The following DYNC1H1 variants were observed in gnomAD, a reference collection of about 807,000 sequenced individuals.
The protein encoded by DYNC1H1 is cytoplasmic dynein 1 heavy chain 1.
Under a neutral mutation model 527.1 loss-of-function variants are expected in DYNC1H1, and 51 were observed. That is an observed-to-expected ratio of 0.10 (90% CI 0.08 to 0.12). DYNC1H1 has a LOEUF of 0.12. DYNC1H1 is among the 10% of genes least tolerant of loss of function. The pLI is 1.00. For missense variants in DYNC1H1, 2,771 were observed against 5,971.8 expected (o/e 0.46, Z 17.66); for synonymous variants, 2,189 against 2,278.8 (o/e 0.96, Z 1.12).
chr14:102,018,098 T>TC lies in DYNC1H1; in HGVS notation c.8178-351dup. 1 of 259,374 alleles carries TC rather than the reference T, an allele frequency of 3.9e-6. No homozygotes were observed. Among genetic ancestry groups the TC allele is most frequent in the Non-Finnish European group, 7.6e-6 (1 of 131,744 alleles). 16.1% of individuals were successfully genotyped at this position (259,374 alleles called of 1,614,324 possible). A position where few individuals can be genotyped will look rare whatever the true frequency, so the allele number is the denominator to read the frequency against. Reference sequence around the variant, plus strand: ...TCCAGCCTGGGCAACAGAGCAAGACTCCATCTCAAAATAAATAAATAAATA... The same window carrying TC: ...TCCAGCCTGGGCAACAGAGCAAGACTCCCATCTCAAAATAAATAAATAAATA... On this transcript the variant is annotated intron_variant, in intron 40 of 77. Coordinates refer to ENST00000360184, the MANE Select transcript of DYNC1H1 (RefSeq NM_001376.5). This position sits in a 1 kb window ranked among gnomAD's most constrained non-coding sequence, Gnocchi z 5.2.
Position 102,049,591 on chromosome 14 carries a change from G to T in DYNC1H1, c.13515+9G>T. The T allele has an allele frequency of 6.2e-7, 1 of 1,613,874 alleles. No homozygotes were observed. The highest frequency in any genetic ancestry group is 8.5e-7 in the Non-Finnish European group (1 of 1,180,042). ...GCGCCAAGGAGCTAAAGGTGAAGGC[G>T]CTCCTGACGAGTCTCGGGTGGTCAG... On this transcript the variant is annotated intron_variant, in intron 75 of 77. Coordinates refer to ENST00000360184, the MANE Select transcript of DYNC1H1 (RefSeq NM_001376.5). This position sits in a 1 kb window ranked among gnomAD's most constrained non-coding sequence, Gnocchi z 5.5.
intron 51 of DYNC1H1, 31 bp from the exon 52 acceptor site, chr14:102,032,241 T>C: frequency 6.2e-7 from 1 of 1,612,374 alleles, no homozygotes; most frequent in Non-Finnish European, 8.5e-7. Context: ...CTCCCACCCA[T>C]CGACCCTCAT....
rs2048184826 is a variant in DYNC1H1, at chr14:102,005,327, CA to C, written c.5433+92del. ...TGGAAATCATGCTTGAAAAAGGTTTCAGGTAGTATCAAGGAGAACAGTGGAT... is the reference window on the plus strand; with the variant it reads ...TGGAAATCATGCTTGAAAAAGGTTTCGGTAGTATCAAGGAGAACAGTGGAT... On this transcript the variant is annotated intron_variant, in intron 26 of 77. Coordinates refer to ENST00000360184, the MANE Select transcript of DYNC1H1 (RefSeq NM_001376.5). The surrounding 1 kb of genome is among the most constrained non-coding windows in gnomAD (Gnocchi z 4.0). 2 of 1,542,342 alleles carry C rather than the reference CA, an allele frequency of 1.3e-6. No individual in the cohort carries two copies. The highest frequency in any genetic ancestry group is 1.8e-4 in the Middle Eastern group (1 of 5,562).
chr14:101,972,746 A>C (rs924385377), intron 1 of DYNC1H1, among the ~76,000 whole-genome samples: 2 of 152,242 alleles, frequency 1.3e-5, no homozygotes, highest in East Asian at 3.8e-4. Flanking sequence ...TTAACAAGCC[A>C]TATTTTTAGT....
intron 44 of DYNC1H1, 65 bp downstream of exon 44, chr14:102,026,772 C>A (rs893706526): frequency 1.1e-5 from 17 of 1,586,342 alleles, no homozygotes; most frequent in Non-Finnish European, 1.4e-5. Context: ...GTGTGTGTGC[C>A]GGGTCACACC....
chr14:102,016,562 C>T lies in DYNC1H1; in HGVS notation c.7614+73C>T. ...TTAACTCATCCTGGAACAAGCTGACCATGGACCTTGGCTTCGTCTTTTCAT... is the reference window on the plus strand; with the variant it reads ...TTAACTCATCCTGGAACAAGCTGACTATGGACCTTGGCTTCGTCTTTTCAT... On this transcript the variant is annotated intron_variant, in intron 37 of 77. Coordinates refer to ENST00000360184, the MANE Select transcript of DYNC1H1 (RefSeq NM_001376.5). This position sits in a 1 kb window ranked among gnomAD's most constrained non-coding sequence, Gnocchi z 7.3. The T allele has an allele frequency of 4.3e-6, 7 of 1,612,372 alleles. No homozygotes were observed. The South Asian group carries it at 7.7e-5, about 18-fold the overall frequency.
At chr14:101,998,064 ATTTAT>A (rs1419722254) in intron 16 of DYNC1H1, among the ~76,000 whole-genome samples, 1 of 152,132 alleles carries the variant, frequency 6.6e-6, no homozygotes, top group Admixed American at 6.5e-5. Context: ...TCAAAATTTT[ATTTAT>A]TTTATTTTTT....
Position 101,988,925 on chromosome 14 carries a change from G to A in DYNC1H1, c.2868+73G>A, listed in dbSNP as rs891072034. 23 of 1,591,622 alleles carry A rather than the reference G, an allele frequency of 1.4e-5. No homozygotes were observed. The East Asian group carries it at 4.4e-4, about 30-fold the overall frequency. ...ACTCTCTCGTTAAAAAACACCTATG[G>A]AAAGGTCACTTAGTGTGGACACCTG... On this transcript the variant is annotated intron_variant, in intron 10 of 77. Coordinates refer to ENST00000360184, the MANE Select transcript of DYNC1H1 (RefSeq NM_001376.5).
chr14:101,982,979 C>G (rs767869815), intron 5 of DYNC1H1, 40 bp from the exon 6 acceptor site: 1 of 1,608,938 alleles, frequency 6.2e-7, no homozygotes, highest in South Asian at 1.1e-5. Context: ...AGTTTTGTTA[C>G]TTTATGTGAA....
intron 10 of DYNC1H1, among the ~76,000 whole-genome samples, chr14:101,991,154 C>T (rs1320872026): frequency 1.3e-5 from 2 of 151,930 alleles, no homozygotes; most frequent in African/African-American, 4.8e-5. Flanking sequence ...GCCTGGGTGA[C>T]AGAGTGAGAC....
chr14:102,012,546 G>T lies in DYNC1H1; in HGVS notation c.7014+76G>T, dbSNP rs368825338. ...AAACTTCGTGTGCTAGCTAAGTGCA[G>T]CTCTGGAGTCATGGACCCAGATTCC... On this transcript the variant is annotated intron_variant, in intron 34 of 77. Coordinates refer to ENST00000360184, the MANE Select transcript of DYNC1H1 (RefSeq NM_001376.5). The surrounding 1 kb of genome is among the most constrained non-coding windows in gnomAD (Gnocchi z 4.9). 7.4e-5 allele frequency: 118 copies of T among 1,595,564 alleles called. No individual in the cohort carries two copies. In the African/African-American group the frequency reaches 1.3e-3, roughly 18 times the overall value.
rs1051792422 is a variant in DYNC1H1 at position 102,050,899 on chromosome 14, G to A, written c.*336G>A. 1.3e-5 allele frequency: 5 copies of A among 374,704 alleles called. No homozygotes were observed. Among genetic ancestry groups the A allele is most frequent in the African/African-American group, 8.4e-5 (4 of 47,518 alleles). The allele number at this position is 374,704 out of a possible 1,614,324, so 23.2% of individuals were successfully genotyped here. A position where few individuals can be genotyped will look rare whatever the true frequency, so the allele number is the denominator to read the frequency against. ...CGGCAGCCATGCCCCTCCCCACCTC[G>A]CTTTCATCATGAGCTCGCTCCCGAG... is the stretch of plus-strand genomic sequence containing the variant. On this transcript the variant is annotated 3_prime_UTR_variant, in exon 78 of 78. Coordinates refer to ENST00000360184, the MANE Select transcript of DYNC1H1 (RefSeq NM_001376.5).
Position 102,015,042 on chromosome 14 carries a change from A to G in DYNC1H1, c.7015-63A>G. ...TTTCAGTGTATATATAGGTAAAAGAATCTTAATGTCCAGGTTTCTTCCAAA... is the reference window on the plus strand; with the variant it reads ...TTTCAGTGTATATATAGGTAAAAGAGTCTTAATGTCCAGGTTTCTTCCAAA... On this transcript the variant is annotated intron_variant, in intron 34 of 77. Coordinates refer to ENST00000360184, the MANE Select transcript of DYNC1H1 (RefSeq NM_001376.5). The surrounding 1 kb of genome is among the most constrained non-coding windows in gnomAD (Gnocchi z 6.9). The G allele has an allele frequency of 6.3e-7, 1 of 1,585,244 alleles. No homozygotes were observed. The highest frequency in any genetic ancestry group is 8.7e-7 in the Non-Finnish European group (1 of 1,154,624).
chr14:102,034,405 T>A lies in DYNC1H1; in HGVS notation c.10707T>A (p.Ala3569=), dbSNP rs111732439. Residue 3569 remains alanine (A), a synonymous_variant, in exon 56 of 78, where the codon GCT becomes GCA. Coordinates refer to ENST00000360184, the MANE Select transcript of DYNC1H1 (RefSeq NM_001376.5). ...GCTGGCAGGCCAGCTCCTTGCCTGC[T>A]GATGACCTTTGCACAGAAAATGCCA... ...RLRWQASSLP[A]DDLCTENAIM... 1 of 1,613,758 alleles carries A rather than the reference T, an allele frequency of 6.2e-7. No individual in the cohort carries two copies. Among genetic ancestry groups the A allele is most frequent in the Non-Finnish European group, 8.5e-7 (1 of 1,180,054 alleles).
Position 102,001,716 on chromosome 14 carries a change from G to A in DYNC1H1, c.4542+35G>A. 1 of 1,613,306 alleles carries A rather than the reference G, an allele frequency of 6.2e-7. No homozygotes were observed. The highest frequency in any genetic ancestry group is 8.5e-7 in the Non-Finnish European group (1 of 1,179,948). On this transcript the variant is annotated intron_variant, in intron 21 of 77. Transcript: ENST00000360184. The surrounding 1 kb of genome is among the most constrained non-coding windows in gnomAD (Gnocchi z 5.0). Reference sequence around the variant, plus strand: ...CTGGGGAAGCTTTCCCTCCCCACCAGTGGTCTCCCACGCTTTCACTGTAAT... The same window carrying A: ...CTGGGGAAGCTTTCCCTCCCCACCAATGGTCTCCCACGCTTTCACTGTAAT...
In DYNC1H1 at chr14:102,010,970, A is replaced by G. The variant is rs2048252009; in HGVS notation, c.6618+18A>G. On this transcript the variant is annotated intron_variant, in intron 32 of 77. Coordinates refer to ENST00000360184, the MANE Select transcript of DYNC1H1 (RefSeq NM_001376.5). This position sits in a 1 kb window ranked among gnomAD's most constrained non-coding sequence, Gnocchi z 6.0. Reference sequence around the variant, plus strand: ...TTGAAAAGGTAACTTGGATTGTTTCACTGGCCACTGCCCTCACAGACCCTG... The same window carrying G: ...TTGAAAAGGTAACTTGGATTGTTTCGCTGGCCACTGCCCTCACAGACCCTG... The G allele has an allele frequency of 6.2e-7, 1 of 1,613,698 alleles. No homozygotes were observed.
intron 57 of DYNC1H1, chr14:102,037,396 C>G (rs1443582280): frequency 6.7e-6 from 1 of 150,110 alleles, no homozygotes; most frequent in Admixed American, 6.7e-5. Context: ...TGCACTCCAG[C>G]CTGGGTGACA....
chr14:102,025,889 C>T (rs560275076), intron 43 of DYNC1H1, among the ~76,000 whole-genome samples: 22 of 151,816 alleles, frequency 1.4e-4, no homozygotes, highest in Admixed American at 3.9e-4. Context: ...AGGCCGAGAC[C>T]GGCAGATCAC....
intron 15 of DYNC1H1, among the ~76,000 whole-genome samples, chr14:101,996,505 C>G (rs148034225): frequency 6.6e-6 from 1 of 152,134 alleles, no homozygotes; most frequent in Non-Finnish European, 1.5e-5. Flanking sequence ...CGGGGCCATC[C>G]GGATGCAGTG....
Sources: gnomAD v4.1 joint callset for allele counts (sites outside exome capture counted in the v4.1 genomes callset) on GRCh38, gnomAD v4.1.1 for gene constraint, Gnocchi (gnomAD v3.1) non-coding constraint, MANE v1.5 for transcripts, NCBI Gene and HGNC (gene_info 2026-07-23, HGNC 2026-07-21) for gene names.